The following NBPF11 variants were observed in gnomAD, a reference collection of about 807,000 sequenced individuals.
The protein encoded by NBPF11 is NBPF member 11.
NBPF11 carries 72 observed loss-of-function variants against 93.9 expected under a neutral mutation model. That is an observed-to-expected ratio of 0.77 (90% CI 0.63 to 0.93). NBPF11 has a LOEUF of 0.93. Among genes scored for constraint, NBPF11 ranks in the 40% least tolerant of loss-of-function variants. The pLI is 0.00. For synonymous variants in NBPF11, 224 were observed against 304.9 expected (o/e 0.73, Z 2.76); for missense variants, 705 against 802.2 (o/e 0.88, Z 1.46).
At chr1:148,141,910 A>C (rs1308812172) in intron 2 of NBPF11, among the ~76,000 whole-genome samples, 7 of 151,590 alleles carry the variant, frequency 4.6e-5, no homozygotes, top group African/African-American at 1.7e-4. Flanking sequence ...AGTGTGGTCT[A>C]TTTAAAATAG....
chr1:148,142,879 G>A (rs1418899719), intron 2 of NBPF11, among the ~76,000 whole-genome samples: 3 of 152,186 alleles, frequency 2.0e-5, no homozygotes, highest in African/African-American at 7.2e-5. Flanking sequence ...CTTCAAAAGT[G>A]GTCTCTCTTT....
At position 148,151,038 on chromosome 1, in the gene NBPF11, G is replaced by A. The variant is rs1391029674; in HGVS notation, c.-549+712C>T. ...CACCAGCAAAAGGTAGGAGGAAAGC[G>A]AGGAAACCATTCCTCGCTTGGTTAA... On this transcript the variant is annotated intron_variant, in intron 1 of 23. Transcript: ENST00000682118. 5.1e-3 allele frequency among the ~76,000 whole-genome samples: 780 copies of A among 151,906 alleles called. 12 individuals carry two copies. The highest frequency in any genetic ancestry group is 0.018 in the African/African-American group (760 of 41,254).
chr1:148,146,501 C>T lies in NBPF11; in HGVS notation c.-548-2815G>A, dbSNP rs1207905930. The T allele has an allele frequency of 1.3e-3, 2,068 of 1,603,856 alleles. 67 individuals carry two copies. The African/African-American group carries it at 0.025, about 19-fold the overall frequency. On this transcript the variant is annotated intron_variant, in intron 1 of 23. Coordinates refer to ENST00000682118, the MANE Select transcript of NBPF11 (RefSeq NM_001385469.3). ...TTCCTGCCGCCGGAGGCCACCTACTCCCTGGTGCCTGAGCCCGAGCTGGGG... is the reference window on the plus strand; with the variant it reads ...TTCCTGCCGCCGGAGGCCACCTACTTCCTGGTGCCTGAGCCCGAGCTGGGG...
At chr1:148,148,891 C>T (rs1434029368) in intron 1 of NBPF11, among the ~76,000 whole-genome samples, 2 of 151,472 alleles carry the variant, frequency 1.3e-5, no homozygotes, top group Non-Finnish European at 1.5e-5. Context: ...AGGGGCACTC[C>T]GTAGGCAGGA....
intron 6 of NBPF11, among the ~76,000 whole-genome samples, chr1:148,124,337 T>C (rs1465823866): frequency 5.9e-5 from 9 of 151,302 alleles, no homozygotes; most frequent in Non-Finnish European, 8.8e-5. Context: ...CCTAATTCCG[T>C]TTCAAAAAGA....
rs1673159371 is a variant in NBPF11, at chr1:148,146,675, C to G, written c.-548-2989G>C. ...ATCGAGGTCTTCCCCACCAAGAGCG[C>G]CCGCGGCAACCGTGTCTCCTGCATG... On this transcript the variant is annotated intron_variant, in intron 1 of 23. Transcript: ENST00000682118. The G allele has an allele frequency of 7.4e-6, 12 of 1,611,704 alleles. 1 individual carries two copies. In the South Asian group the frequency reaches 1.2e-4, roughly 16 times the overall value.
intron 6 of NBPF11, 83 bp downstream of exon 6, chr1:148,124,816 G>A (rs1195127975): frequency 7.8e-5 from 106 of 1,353,070 alleles, no homozygotes; most frequent in Admixed American, 2.6e-4. Flanking sequence ...GCCCAGCTTC[G>A]TTCTTACTTC....
chr1:148,108,307 C>T (rs1212985475), intron 18 of NBPF11, among the ~76,000 whole-genome samples, 175 bp downstream of exon 18: 1 of 138,286 alleles, frequency 7.2e-6, no homozygotes, highest in Non-Finnish European at 1.7e-5. Flanking sequence ...CTCACTGACC[C>T]ATCCCTTGTC....
At chr1:148,134,918 C>T (rs1315030918) in intron 4 of NBPF11, among the ~76,000 whole-genome samples, 1 of 151,982 alleles carries the variant, frequency 6.6e-6, no homozygotes, top group Non-Finnish European at 1.5e-5. Context: ...AAGCCTCAAC[C>T]ATGCTTTGCT....
At chr1:148,116,300 C>A (rs1386835333) in intron 13 of NBPF11, among the ~76,000 whole-genome samples, 163 bp downstream of exon 13, 1 of 152,042 alleles carries the variant, frequency 6.6e-6, no homozygotes, top group Non-Finnish European at 1.5e-5. Flanking sequence ...CATAGAGAAA[C>A]ATGACAGCTG....
intron 14 of NBPF11, among the ~76,000 whole-genome samples, chr1:148,115,162 C>CAAA (rs1666180661): frequency 6.6e-5 from 1 of 15,168 alleles, no homozygotes; most frequent in East Asian, 4.2e-3. Flanking sequence ...AGGACTCCAT[C>CAAA]ACAAAAAAAA....
Position 148,122,676 on chromosome 1 carries a change from A to C in NBPF11, c.566+53T>G, listed in dbSNP as rs1668146222. 7 of 1,601,818 alleles carry C rather than the reference A, an allele frequency of 4.4e-6. No individual in the cohort carries two copies. The South Asian group carries it at 7.7e-5, about 18-fold the overall frequency. ...AGATGCCAGAGAGGGCGTGCCTCCTAGACATTTTCATATGTTACCACCCAT... is the reference window on the plus strand; with the variant it reads ...AGATGCCAGAGAGGGCGTGCCTCCTCGACATTTTCATATGTTACCACCCAT... On this transcript the variant is annotated intron_variant, in intron 8 of 23. Coordinates refer to ENST00000682118, the MANE Select transcript of NBPF11 (RefSeq NM_001385469.3).
At chr1:148,147,992 C>T (rs1342936222) in intron 1 of NBPF11, among the ~76,000 whole-genome samples, 2 of 152,212 alleles carry the variant, frequency 1.3e-5, no homozygotes, top group East Asian at 3.9e-4. Flanking sequence ...AGGGCCTCCA[C>T]TGGGGATGTG....
In NBPF11 at chr1:148,102,411, C is replaced by T. The variant is rs1289840511; in HGVS notation, c.*1485G>A. On this transcript the variant is annotated 3_prime_UTR_variant, in exon 24 of 24. Transcript: ENST00000682118. ...TTTATACTCTTGAAAACCACTTTCC[C>T]AAGTACTTCATTATAAGTAAGGTGT... The T allele has an allele frequency of 6.6e-6, 1 of 151,776 alleles. No homozygotes were observed. The highest frequency in any genetic ancestry group is 1.5e-5 in the Non-Finnish European group (1 of 68,032). 9.4% of individuals were successfully genotyped at this position (151,776 alleles called of 1,614,324 possible). A position where few individuals can be genotyped will look rare whatever the true frequency, so the allele number is the denominator to read the frequency against.
intron 2 of NBPF11, among the ~76,000 whole-genome samples, chr1:148,138,445 C>T (rs1345734604): frequency 2.6e-5 from 4 of 151,514 alleles, no homozygotes; most frequent in Non-Finnish European, 4.4e-5. Flanking sequence ...GTATTTCAGA[C>T]TATGACATGG....
chr1:148,105,851 G>T (rs1663469660), intron 21 of NBPF11, among the ~76,000 whole-genome samples: 1 of 139,692 alleles, frequency 7.2e-6, no homozygotes, highest in Non-Finnish European at 1.5e-5. Flanking sequence ...GACACTCTGA[G>T]TTAGTGCCCT....
Position 148,126,841 on chromosome 1 carries a change from G to T in NBPF11, c.163C>A (p.Gln55Lys). Reference protein sequence around the residue: ...TQLAGFLANRQKKYKYEECKD... With the variant: ...TQLAGFLANRKKKYKYEECKD... ...CTATAGATCTTACTGTATTTCTTCT[G>T]TCGGTTGGCCAGGAAGCCGGCCAGT... Residue 55 changes from glutamine (Q) to lysine (K), a missense_variant, in exon 5 of 24, where the codon CAG (glutamine) becomes AAG (lysine). Coordinates refer to ENST00000682118, the MANE Select transcript of NBPF11 (RefSeq NM_001385469.3). 1 of 1,573,194 alleles carries T rather than the reference G, an allele frequency of 6.4e-7. No homozygotes were observed. Among genetic ancestry groups the T allele is most frequent in the Non-Finnish European group, 8.7e-7 (1 of 1,149,916 alleles).
Position 148,124,904 on chromosome 1 carries a change from C to A in NBPF11, c.273G>T (p.Glu91Asp). 1.2e-6 allele frequency: 2 copies of A among 1,609,518 alleles called. No individual in the cohort carries two copies. The highest frequency in any genetic ancestry group is 1.1e-5 in the South Asian group (1 of 91,008). The change falls in exon 6 of 24, where the codon GAG becomes GAT. Residue 91 changes from glutamate to aspartate, a missense_variant. Around this residue, in one of 12 missense-constraint regions of NBPF11, gnomAD observed 128 missense variants for 112.8 expected, o/e 1.14. Transcript: ENST00000682118. ...KLAEQLKQAE[E>D]LRQYKVLVHS... ...CCCCTACGGGGTCCCCTCACCTGAG[C>A]TCCTCAGCTTGCTTGAGCTGCTCTG... is the stretch of plus-strand genomic sequence containing the variant.
At chr1:148,117,164 GGAGA>G (rs1234790035) in intron 12 of NBPF11, among the ~76,000 whole-genome samples, 3 of 151,782 alleles carry the variant, frequency 2.0e-5, no homozygotes, top group African/African-American at 4.9e-5. Flanking sequence ...TGTCTGCCAT[GGAGA>G]GAGAGAAACT....
Sources: allele counts gnomAD v4.1 joint callset (sites outside exome capture counted in the v4.1 genomes callset), GRCh38; gene constraint gnomAD v4.1.1; regional missense constraint gnomAD v4.1.1; transcripts MANE v1.5; gene names NCBI Gene and HGNC (gene_info 2026-07-23, HGNC 2026-07-21).